Variants in PUDP observed in about 807,000 individuals in gnomAD.
The protein encoded by PUDP is pseudouridine 5'-phosphatase.
A neutral mutation model predicts 9.4 loss-of-function variants in PUDP; 8 were observed. That is an observed-to-expected ratio of 0.85 (90% CI 0.50 to 1.53). The LOEUF (loss-of-function observed/expected upper bound fraction) is 1.53. PUDP is among the 40% of genes most tolerant of loss of function. PUDP has a pLI of 0.00. For missense variants in PUDP, 188 were observed against 189.7 expected, an observed-to-expected ratio of 0.99 and a Z score of 0.05; for synonymous variants, 99 against 80.7, an observed-to-expected ratio of 1.23 and a Z score of -1.22.
chrX:6,831,229 A>C (rs773455274), intron 3 of PUDP, among the ~76,000 whole-genome samples: 1 of 112,212 alleles, frequency 8.9e-6, no homozygotes, highest in African/African-American at 3.2e-5. Context: ...TAGGTCTGAC[A>C]ATAGTGATGT....
chrX:6,920,292 T>C (rs1928001978), intron 3 of PUDP, among the ~76,000 whole-genome samples: 2 of 111,305 alleles, frequency 1.8e-5, no homozygotes, highest in Non-Finnish European at 3.8e-5. Flanking sequence ...GGTCATCACC[T>C]AGGTTCTAGT....
At chrX:6,932,914 G>T (rs1457853784) in intron 3 of PUDP, among the ~76,000 whole-genome samples, 3 of 110,631 alleles carry the variant, frequency 2.7e-5, no homozygotes, top group Non-Finnish European at 5.7e-5. Flanking sequence ...ACGAGGCTGG[G>T]GGAGGGGCGC....
intron 3 of PUDP, among the ~76,000 whole-genome samples, chrX:6,792,485 G>A (rs956596589): frequency 1.8e-5 from 2 of 108,323 alleles, no homozygotes; most frequent in Non-Finnish European, 3.8e-5. Flanking sequence ...AAACCTAGTT[G>A]ACCTTCCTCT....
At chrX:7,055,371 C>A (rs984589615) in intron 3 of PUDP, among the ~76,000 whole-genome samples, 2 of 111,182 alleles carry the variant, frequency 1.8e-5, no homozygotes, top group Non-Finnish European at 3.8e-5. Context: ...CCTGCCTCAG[C>A]CTCTCGAGTA....
intron 1 of PUDP, chrX:7,116,929 C>T (rs776915392): frequency 1.6e-5 from 19 of 1,164,332 alleles, no homozygotes; most frequent in Non-Finnish European, 2.2e-5. Context: ...CTCTCTGGCT[C>T]ATGCTTTTGC....
intron 2 of PUDP, among the ~76,000 whole-genome samples, chrX:7,099,490 T>C (rs1005123108): frequency 7.1e-5 from 8 of 112,583 alleles, no homozygotes; most frequent in Admixed American, 1.9e-4. Flanking sequence ...CATGAAGCCA[T>C]ATAAGAAATG....
intron 3 of PUDP, among the ~76,000 whole-genome samples, chrX:7,056,925 G>T (rs1414320507): frequency 8.9e-6 from 1 of 112,125 alleles, no homozygotes; most frequent in Non-Finnish European, 1.9e-5. Flanking sequence ...CCCAGCTGAA[G>T]GCTAAAATAT....
At chrX:7,133,186 T>C (rs1314072770) in intron 1 of PUDP, among the ~76,000 whole-genome samples, 1 of 111,441 alleles carries the variant, frequency 9.0e-6, no homozygotes, top group East Asian at 2.8e-4. Flanking sequence ...TAAAATACAA[T>C]GCTTCAGAGC....
chrX:6,751,089 C>T (rs1243110705), intron 3 of PUDP, among the ~76,000 whole-genome samples: 1 of 108,237 alleles, frequency 9.2e-6, no homozygotes, highest in Non-Finnish European at 1.9e-5. Context: ...TTGCAGTGAG[C>T]CAAGATTGTG....
At chrX:7,097,235 T>C (rs1326862629) in intron 2 of PUDP, among the ~76,000 whole-genome samples, 3 of 111,455 alleles carry the variant, frequency 2.7e-5, no homozygotes, top group Non-Finnish European at 5.7e-5. Context: ...TCCCAATGGT[T>C]CTCCCTATCC....
intron 2 of PUDP, among the ~76,000 whole-genome samples, chrX:7,099,775 G>A (rs751659771): frequency 2.7e-5 from 3 of 111,997 alleles, no homozygotes; most frequent in Non-Finnish European, 5.6e-5. Context: ...TCTATACCAT[G>A]ATCAAGCCAA....
intron 3 of PUDP, among the ~76,000 whole-genome samples, chrX:6,771,796 T>C (rs1925368352): frequency 8.9e-6 from 1 of 112,679 alleles, no homozygotes. Flanking sequence ...CTGGTCTCTG[T>C]TGCAAACGTT....
At chrX:6,793,316 A>T (rs899484790) in intron 3 of PUDP, among the ~76,000 whole-genome samples, 1 of 111,920 alleles carries the variant, frequency 8.9e-6, no homozygotes, top group African/African-American at 3.2e-5. Context: ...TGCTCTCTCA[A>T]GCCTCATAAT....
intron 2 of PUDP, chrX:7,085,401 G>A (rs1931232808): frequency 1.8e-5 from 2 of 112,172 alleles, no homozygotes; most frequent in African/African-American, 3.2e-5. Flanking sequence ...GCAAGTCCAC[G>A]AGCCTTCGGT....
chrX:6,914,219 AG>A (rs1421494725), intron 3 of PUDP, among the ~76,000 whole-genome samples: 3 of 110,240 alleles, frequency 2.7e-5, no homozygotes, highest in African/African-American at 9.9e-5. Flanking sequence ...TATATAGAGA[AG>A]AAAAATCACA....
intron 1 of PUDP, among the ~76,000 whole-genome samples, chrX:6,706,929 T>C (rs757074650): frequency 8.1e-5 from 9 of 111,618 alleles, no homozygotes; most frequent in Non-Finnish European, 1.1e-4. Flanking sequence ...GTCACTTGTC[T>C]ACAAGTGTAT....
At chrX:6,761,128 T>C (rs1925224291) in intron 3 of PUDP, among the ~76,000 whole-genome samples, 1 of 112,035 alleles carries the variant, frequency 8.9e-6, no homozygotes, top group Non-Finnish European at 1.9e-5. Context: ...GATGATTCAA[T>C]GAGATAGGGC....
chrX:6,857,510 T>C (rs1255000394), intron 3 of PUDP, among the ~76,000 whole-genome samples: 1 of 112,620 alleles, frequency 8.9e-6, no homozygotes, highest in East Asian at 2.8e-4. Flanking sequence ...CAGAACTCAT[T>C]GCAGCCTCAA....
At position 7,089,933 on chromosome X, in the gene PUDP, GA is replaced by G. The variant is rs1422288883; in HGVS notation, c.281-12485del. ...GTAAGAGGTAAATTTTGTAATGCAG[GA>G]AATCAGCCAGGCATTGACACCTAAC... On this transcript the variant is annotated intron_variant, in intron 2 of 3. Coordinates refer to ENST00000381077, the MANE Select transcript of PUDP (RefSeq NM_012080.5). Among the ~76,000 whole-genome samples, 13 of 111,763 alleles carry G rather than the reference GA, an allele frequency of 1.2e-4. No individual in the cohort carries two copies. The Admixed American group carries it at 1.2e-3, about 11-fold the overall frequency.
Sources: gnomAD v4.1 joint callset for allele counts (sites outside exome capture counted in the v4.1 genomes callset) on GRCh38, gnomAD v4.1.1 for gene constraint, MANE v1.5 for transcripts, NCBI Gene and HGNC (gene_info 2026-07-23, HGNC 2026-07-21) for gene names.